GNG12: variants seen among roughly 807,000 people sequenced by gnomAD.
The protein encoded by GNG12 is guanine nucleotide-binding protein G(I)/G(S)/G(O) subunit gamma-12.
For synonymous variants in GNG12, 28 were observed against 29.7 expected, an observed-to-expected ratio of 0.94 and a Z score of 0.19; for missense variants, 69 against 83.8, an observed-to-expected ratio of 0.82 and a Z score of 0.69.
intron 1 of GNG12, among the ~76,000 whole-genome samples, chr1:67,813,933 T>C (rs1334426585): frequency 6.6e-6 from 1 of 152,028 alleles, no homozygotes; most frequent in African/African-American, 2.4e-5. Flanking sequence ...ATGTATATAG[T>C]AGTATATACA....
At chr1:67,744,853 C>T (rs907662214) in intron 2 of GNG12, among the ~76,000 whole-genome samples, 2 of 152,182 alleles carry the variant, frequency 1.3e-5, no homozygotes, top group Non-Finnish European at 2.9e-5. Flanking sequence ...CAGCACATCT[C>T]CTAAGAGAGA....
At chr1:67,778,133 TAC>T (rs1337212720) in intron 1 of GNG12, among the ~76,000 whole-genome samples, 1 of 149,926 alleles carries the variant, frequency 6.7e-6, no homozygotes, top group African/African-American at 2.4e-5. Context: ...TATAATAAAA[TAC>T]ATTTAATCAT....
chr1:67,779,054 A>G (rs1156641994), intron 1 of GNG12, among the ~76,000 whole-genome samples: 1 of 152,140 alleles, frequency 6.6e-6, no homozygotes, highest in Non-Finnish European at 1.5e-5. Flanking sequence ...AGGTCCATGG[A>G]AAATCTTCTT....
chr1:67,754,008 C>T (rs1410790991), intron 2 of GNG12, among the ~76,000 whole-genome samples: 1 of 152,166 alleles, frequency 6.6e-6, no homozygotes, highest in African/African-American at 2.4e-5. Context: ...TCCAGCATGC[C>T]CTGCCCCTTT....
intron 2 of GNG12, among the ~76,000 whole-genome samples, chr1:67,741,924 A>G (rs12059140): frequency 0.091 from 13,855 of 152,264 alleles, 657 homozygotes; most frequent in Admixed American, 0.11. Context: ...TAGCAGATGC[A>G]CTTGGATATG....
chr1:67,787,083 C>T (rs1379982347), intron 1 of GNG12, among the ~76,000 whole-genome samples: 1 of 137,070 alleles, frequency 7.3e-6, no homozygotes, highest in Non-Finnish European at 1.6e-5. Context: ...AGTCCCCCTC[C>T]TCAAGGAACC....
At chr1:67,779,905 T>C (rs528172782) in intron 1 of GNG12, among the ~76,000 whole-genome samples, 6 of 152,164 alleles carry the variant, frequency 3.9e-5, no homozygotes, top group South Asian at 2.1e-4. Context: ...CATGTTACTG[T>C]TGTGAATACT....
At chr1:67,718,453 A>T (rs910019370) in intron 2 of GNG12, among the ~76,000 whole-genome samples, 1 of 152,156 alleles carries the variant, frequency 6.6e-6, no homozygotes, top group Non-Finnish European at 1.5e-5. Context: ...TTTTGTACTA[A>T]ACCTATGAGA....
chr1:67,705,039 A>G lies in GNG12; in HGVS notation c.*412T>C, dbSNP rs1442199593. The G allele has an allele frequency of 6.2e-6, 1 of 161,848 alleles. No individual in the cohort carries two copies. Among genetic ancestry groups the G allele is most frequent in the Non-Finnish European group, 1.3e-5 (1 of 74,578 alleles). The allele number at this position is 161,848 out of a possible 1,614,324, so 10.0% of individuals were successfully genotyped here. On this transcript the variant is annotated 3_prime_UTR_variant, in exon 4 of 4. Transcript: ENST00000370982. ...TCTTATATACTATACAGGCTGGCACACGCCTTATAAAGAATATAATATCAA... is the reference window on the plus strand; with the variant it reads ...TCTTATATACTATACAGGCTGGCACGCGCCTTATAAAGAATATAATATCAA...
chr1:67,793,740 C>T (rs1207093440), intron 1 of GNG12, among the ~76,000 whole-genome samples: 1 of 152,204 alleles, frequency 6.6e-6, no homozygotes, highest in Non-Finnish European at 1.5e-5. Flanking sequence ...TTCCTGCACT[C>T]TTTTGCAAAG....
At position 67,826,372 on chromosome 1, in the gene GNG12, C is replaced by T. The variant is rs371759280; in HGVS notation, c.-77+6972G>A. 3.9e-5 allele frequency among the ~76,000 whole-genome samples: 6 copies of T among 152,340 alleles called. No individual in the cohort carries two copies. The East Asian group carries it at 1.2e-3, about 29-fold the overall frequency. ...TGTTTGTTTAGCAGATGTGAGCCTC[C>T]CATTTGCCTCCTTGCCCAGGCACTT... On this transcript the variant is annotated intron_variant, in intron 1 of 3. Coordinates refer to ENST00000370982, the MANE Select transcript of GNG12 (RefSeq NM_018841.6).
At chr1:67,801,079 T>A (rs1401428775) in intron 1 of GNG12, among the ~76,000 whole-genome samples, 1 of 151,610 alleles carries the variant, frequency 6.6e-6, no homozygotes, top group African/African-American at 2.4e-5. Flanking sequence ...GAGCCAGAAA[T>A]GGGCAGGAAA....
chr1:67,734,384 T>C (rs1306580107), intron 2 of GNG12, among the ~76,000 whole-genome samples: 1 of 152,188 alleles, frequency 6.6e-6, no homozygotes, highest in South Asian at 2.1e-4. Context: ...TTTGACTCCT[T>C]CTGCTACATT....
intron 2 of GNG12, among the ~76,000 whole-genome samples, chr1:67,721,290 C>G (rs1430055299): frequency 6.6e-6 from 1 of 152,164 alleles, no homozygotes; most frequent in Non-Finnish European, 1.5e-5. Flanking sequence ...GAAGGAGCCC[C>G]AGAGTGGAGT....
chr1:67,762,418 G>A (rs1464292216), intron 2 of GNG12, among the ~76,000 whole-genome samples: 1 of 152,152 alleles, frequency 6.6e-6, no homozygotes, highest in African/African-American at 2.4e-5. Flanking sequence ...AAGGCTAGAA[G>A]AGGCTTAAGA....
At chr1:67,756,787 A>T (rs944863647) in intron 2 of GNG12, among the ~76,000 whole-genome samples, 1 of 152,174 alleles carries the variant, frequency 6.6e-6, no homozygotes, top group Non-Finnish European at 1.5e-5. Flanking sequence ...CACAGGTCCT[A>T]TCAAGAAGCT....
intron 1 of GNG12, 28 bp from the exon 2 acceptor site, chr1:67,777,535 T>A: frequency 1.8e-6 from 1 of 557,918 alleles, no homozygotes; most frequent in Non-Finnish European, 2.3e-6. Context: ...AAACATTCCA[T>A]AAGTAAATCA....
chr1:67,789,935 G>A (rs988107316), intron 1 of GNG12, among the ~76,000 whole-genome samples: 10 of 152,146 alleles, frequency 6.6e-5, no homozygotes, highest in Admixed American at 4.6e-4. Context: ...CTTTGACTCC[G>A]CAGAATAGTT....
At chr1:67,718,349 T>C (rs1646338390) in intron 2 of GNG12, among the ~76,000 whole-genome samples, 1 of 150,434 alleles carries the variant, frequency 6.6e-6, no homozygotes, top group Admixed American at 6.6e-5. Context: ...TAAAATTCTT[T>C]AGTAGCCATA....
Sources: gnomAD v4.1 joint callset for allele counts (sites outside exome capture counted in the v4.1 genomes callset) on GRCh38, gnomAD v4.1.1 for gene constraint, MANE v1.5 for transcripts, NCBI Gene and HGNC (gene_info 2026-07-23, HGNC 2026-07-21) for gene names.